ETV1: variants seen among roughly 807,000 people sequenced by gnomAD.
ETV1 encodes ETS translocation variant 1.
Under a neutral mutation model 62.3 loss-of-function variants are expected in ETV1, and 27 were observed. That is an observed-to-expected ratio of 0.43 (90% CI 0.32 to 0.60). ETV1 has a LOEUF of 0.60. Ranked by LOEUF, ETV1 falls within the 20% of genes least tolerant of loss-of-function variation. The pLI is 0.06. For synonymous variants in ETV1, 222 were observed against 199.6 expected, an observed-to-expected ratio of 1.11 and a Z score of -0.94; for missense variants, 605 against 605.8, an observed-to-expected ratio of 1.00 and a Z score of 0.01.
chr7:13,956,542 T>A (rs1789484496), intron 6 of ETV1, among the ~76,000 whole-genome samples: 1 of 152,242 alleles, frequency 6.6e-6, no homozygotes, highest in African/African-American at 2.4e-5. Flanking sequence ...TACTTTGACT[T>A]GCTAACTGCA....
At chr7:13,919,027 T>C (rs1297114081) in intron 9 of ETV1, among the ~76,000 whole-genome samples, 1 of 152,152 alleles carries the variant, frequency 6.6e-6, no homozygotes, top group Non-Finnish European at 1.5e-5. Flanking sequence ...GGCATCTTAA[T>C]AAAGGACTAG....
chr7:13,909,822 T>C, intron 10 of ETV1, 122 bp from the exon 11 acceptor site: 2 of 802,058 alleles, frequency 2.5e-6, no homozygotes, highest in South Asian at 1.6e-5. Context: ...TTTCAGTTCC[T>C]TGAGCCCTGG....
chr7:13,967,567 A>G (rs1043478049), intron 6 of ETV1, among the ~76,000 whole-genome samples: 3 of 152,140 alleles, frequency 2.0e-5, no homozygotes, highest in Non-Finnish European at 2.9e-5. Context: ...AGATTTAAAA[A>G]AACAATAGCA....
At chr7:13,973,196 C>CACTCTCTT (rs1202520949) in intron 6 of ETV1, among the ~76,000 whole-genome samples, 1 of 152,176 alleles carries the variant, frequency 6.6e-6, no homozygotes, top group Non-Finnish European at 1.5e-5. Flanking sequence ...TTTTGCTCTT[C>CACTCTCTT]ACTCTCTTAA....
intron 8 of ETV1, among the ~76,000 whole-genome samples, chr7:13,934,747 T>C (rs1206809145): frequency 6.6e-6 from 1 of 152,258 alleles, no homozygotes; most frequent in African/African-American, 2.4e-5. Context: ...CTAGAAATAC[T>C]ACATTACGCT....
intron 8 of ETV1, among the ~76,000 whole-genome samples, chr7:13,934,794 C>G (rs180687948): frequency 1.4e-3 from 217 of 152,212 alleles, no homozygotes; most frequent in African/African-American, 4.9e-3. Flanking sequence ...ATTCAGGGTT[C>G]TCACAGTGAT....
At position 13,913,939 on chromosome 7, in the gene ETV1, C is replaced by T. The variant is rs1029930866; in HGVS notation, c.803-2632G>A. 2.4e-5 allele frequency among the ~76,000 whole-genome samples: 3 copies of T among 123,226 alleles called. 1 individual carries two copies. The South Asian group carries it at 7.9e-4, about 33-fold the overall frequency. The allele number at this position is 123,226 out of a possible 152,430, so 80.8% of individuals were successfully genotyped here. On this transcript the variant is annotated intron_variant, in intron 9 of 13. Transcript: ENST00000430479. Reference sequence around the variant, plus strand: ...TCGCTCTGTCGCCCAGGCTGGAGTGCAGTGCCGTGATCTCAGCTCACTGCA... The same window carrying T: ...TCGCTCTGTCGCCCAGGCTGGAGTGTAGTGCCGTGATCTCAGCTCACTGCA...
intron 9 of ETV1, among the ~76,000 whole-genome samples, chr7:13,929,047 AT>A (rs780008587): frequency 1.6e-4 from 25 of 152,388 alleles, no homozygotes; most frequent in Non-Finnish European, 3.4e-4. Flanking sequence ...GATAATTTAT[AT>A]GATTTCCACA....
intron 6 of ETV1, among the ~76,000 whole-genome samples, chr7:13,974,059 G>A (rs1354676278): frequency 6.6e-6 from 1 of 152,142 alleles, no homozygotes; most frequent in African/African-American, 2.4e-5. Flanking sequence ...AGACACAAAT[G>A]TATCTAAAAT....
Position 13,986,132 on chromosome 7 carries a change from T to C in ETV1, c.181+506A>G, listed in dbSNP as rs567621128. ...GATACACACCTAACGTTCTGTGTTG[T>C]GAACAAGGTGGAAAGAAGACACTTG... On this transcript the variant is annotated intron_variant, in intron 5 of 13. Coordinates refer to ENST00000430479, the MANE Select transcript of ETV1 (RefSeq NM_004956.5). 12 of 1,591,488 alleles carry C rather than the reference T, an allele frequency of 7.5e-6. No homozygotes were observed. The African/African-American group carries it at 1.5e-4, about 20-fold the overall frequency.
At chr7:13,945,554 T>C (rs1314442091) in intron 6 of ETV1, among the ~76,000 whole-genome samples, 1 of 152,142 alleles carries the variant, frequency 6.6e-6, no homozygotes, top group East Asian at 1.9e-4. Flanking sequence ...AAAGCCAACC[T>C]AAAAATCTTC....
chr7:13,970,177 C>T (rs1780732860), intron 6 of ETV1, among the ~76,000 whole-genome samples: 1 of 151,836 alleles, frequency 6.6e-6, no homozygotes. Context: ...AGGAGAATGG[C>T]GTGAACCCGG....
chr7:13,942,479 G>A (rs984847688), intron 6 of ETV1, among the ~76,000 whole-genome samples: 2 of 152,056 alleles, frequency 1.3e-5, no homozygotes, highest in African/African-American at 4.8e-5. Context: ...TGTCATGGGG[G>A]TTTGTGGTAC....
intron 3 of ETV1, 63 bp from the exon 4 acceptor site, chr7:13,988,236 G>C: frequency 1.1e-6 from 1 of 909,250 alleles, no homozygotes; most frequent in Non-Finnish European, 1.8e-6. Context: ...ACACGCACAC[G>C]CGCGCGCACA....
intron 7 of ETV1, among the ~76,000 whole-genome samples, chr7:13,936,611 A>G (rs1786828375): frequency 6.6e-6 from 1 of 152,230 alleles, no homozygotes; most frequent in Non-Finnish European, 1.5e-5. Context: ...ATTTTACATT[A>G]TGATTTTAAA....
At chr7:13,961,896 C>G (rs969043362) in intron 6 of ETV1, among the ~76,000 whole-genome samples, 1 of 152,048 alleles carries the variant, frequency 6.6e-6, no homozygotes, top group African/African-American at 2.4e-5. Context: ...TTAGTGTGAT[C>G]AACAGCAAAA....
At chr7:13,944,043 T>C (rs2128464796) in intron 6 of ETV1, among the ~76,000 whole-genome samples, 1 of 152,228 alleles carries the variant, frequency 6.6e-6, no homozygotes, top group Middle Eastern at 3.4e-3. Flanking sequence ...TGGGGTGCCA[T>C]CAGGAATGGC....
chr7:13,988,334 T>C, intron 3 of ETV1, 161 bp from the exon 4 acceptor site: 1 of 592,760 alleles, frequency 1.7e-6, no homozygotes, highest in Non-Finnish European at 2.9e-6. Flanking sequence ...CTAATATTCA[T>C]TTTCTCACTT....
intron 11 of ETV1, among the ~76,000 whole-genome samples, chr7:13,908,625 A>C (rs903794214): frequency 6.6e-6 from 1 of 152,142 alleles, no homozygotes; most frequent in Non-Finnish European, 1.5e-5. Context: ...AGAAATCTAA[A>C]GGAGGATAAA....
Sources: allele counts gnomAD v4.1 joint callset (sites outside exome capture counted in the v4.1 genomes callset), GRCh38; gene constraint gnomAD v4.1.1; transcripts MANE v1.5; gene names NCBI Gene and HGNC (gene_info 2026-07-23, HGNC 2026-07-21).